Variants in SH3YL1 observed in about 807,000 individuals in gnomAD.
SH3YL1 encodes SH3 domain-containing YSC84-like protein 1.
A neutral mutation model predicts 45.8 loss-of-function variants in SH3YL1; 41 were observed. The observed-to-expected ratio is 0.89, with a 90% CI of 0.70 to 1.16. The LOEUF is 1.16. Ranked by LOEUF, SH3YL1 falls within the 50% of genes most tolerant of loss-of-function variation. The pLI is 0.00. For synonymous variants in SH3YL1, 152 were observed against 151.4 expected, an observed-to-expected ratio of 1.00 and a Z score of -0.03; for missense variants, 389 against 409.6, an observed-to-expected ratio of 0.95 and a Z score of 0.43.
intron 3 of SH3YL1, among the ~76,000 whole-genome samples, chr2:247,944 A>G (rs1214825901): frequency 6.6e-6 from 1 of 152,198 alleles, no homozygotes; most frequent in African/African-American, 2.4e-5. Flanking sequence ...TTATAGAACA[A>G]CTTAGCTGTA....
intron 3 of SH3YL1, among the ~76,000 whole-genome samples, 171 bp from the exon 4 acceptor site, chr2:247,773 T>C (rs1370900508): frequency 6.6e-6 from 1 of 152,246 alleles, no homozygotes; most frequent in Non-Finnish European, 1.5e-5. Context: ...TTTTAAAAAG[T>C]TAAAAATATT....
chr2:257,169 C>T (rs957896446), intron 1 of SH3YL1, among the ~76,000 whole-genome samples: 1 of 151,884 alleles, frequency 6.6e-6, no homozygotes, highest in African/African-American at 2.4e-5. Flanking sequence ...CAAATATTTT[C>T]TTCTATTCTG....
intron 4 of SH3YL1, among the ~76,000 whole-genome samples, chr2:236,620 G>A (rs773806974): frequency 1.3e-5 from 2 of 152,138 alleles, no homozygotes; most frequent in Non-Finnish European, 2.9e-5. Flanking sequence ...TAATAATAGT[G>A]GCACACATTC....
chr2:238,259 TTGTGTGTGTGTGTGTGTGTG>T (rs3842546), intron 4 of SH3YL1, among the ~76,000 whole-genome samples: 10 of 141,860 alleles, frequency 7.0e-5, no homozygotes, highest in Non-Finnish European at 1.2e-4. Flanking sequence ...TCCTCCCTCC[TTGTGTGTGTGTGTGTGTGTG>T]TGTGTGTGTG....
At chr2:225,622 T>C (rs1667758633) in intron 8 of SH3YL1, among the ~76,000 whole-genome samples, 1 of 152,186 alleles carries the variant, frequency 6.6e-6, no homozygotes. Flanking sequence ...TTTGGTGGGA[T>C]GGGAAAAGGA....
chr2:225,310 G>A (rs572453529), intron 8 of SH3YL1, among the ~76,000 whole-genome samples: 12 of 152,362 alleles, frequency 7.9e-5, no homozygotes, highest in East Asian at 1.9e-4. Flanking sequence ...CTGGATTCCC[G>A]TTCTGACGCT....
rs1668877195 is a variant in SH3YL1, at chr2:247,538, C to T, written c.291G>A (p.Glu97=). ...GTATGGACGTGCACAAGCTACTTAC[C>T]TCAATTCCTATTTCAAATCCTCCAC... is the stretch of plus-strand genomic sequence containing the variant. The part of the protein sequence containing the change: ...GLGGGFEIGI[E]VSDLVIILNY... Residue 97 remains glutamate, a splice_region_variant and synonymous_variant, in exon 4 of 10, where the codon GAG becomes GAA. Coordinates refer to ENST00000356150, the MANE Select transcript of SH3YL1 (RefSeq NM_015677.4). The T allele has an allele frequency of 6.4e-7, 1 of 1,551,136 alleles. No homozygotes were observed. The highest frequency in any genetic ancestry group is 1.4e-5 in the African/African-American group (1 of 73,012).
chr2:229,868 TTAACTC>T, intron 8 of SH3YL1, 92 bp downstream of exon 8: 4 of 958,636 alleles, frequency 4.2e-6, no homozygotes, highest in South Asian at 3.2e-5. Context: ...GTTCTTCTAT[TTAACTC>T]TAAAGTTTAA....
At position 231,198 on chromosome 2, in the gene SH3YL1, G is replaced by C. The variant is rs994000981; in HGVS notation, c.534-7C>G. On this transcript the variant is annotated splice_region_variant and splice_polypyrimidine_tract_variant and intron_variant, in intron 6 of 9. Coordinates refer to ENST00000356150, the MANE Select transcript of SH3YL1 (RefSeq NM_015677.4). Reference sequence around the variant, plus strand: ...GATATCTTGACAATAAAATCTAATGGGAAATATAAAATTAAAAACATTTTA... The same window carrying C: ...GATATCTTGACAATAAAATCTAATGCGAAATATAAAATTAAAAACATTTTA... The C allele has an allele frequency of 8.2e-6, 13 of 1,584,412 alleles. No homozygotes were observed. The African/African-American group carries it at 1.4e-4, about 17-fold the overall frequency.
chr2:263,193 A>T (rs1669662413), intron 1 of SH3YL1: 1 of 155,318 alleles, frequency 6.4e-6, no homozygotes, highest in Non-Finnish European at 1.4e-5. Flanking sequence ...TCCTGTAAGC[A>T]GAAGAGAAAC....
intron 1 of SH3YL1, chr2:260,039 T>A (rs1050342563): frequency 2.6e-5 from 4 of 152,150 alleles, no homozygotes; most frequent in Non-Finnish European, 5.9e-5. Flanking sequence ...AAAGTACAGA[T>A]ATGAAAATAT....
intron 5 of SH3YL1, 26 bp from the exon 6 acceptor site, chr2:233,255 C>A: frequency 6.5e-7 from 1 of 1,537,322 alleles, no homozygotes; most frequent in Admixed American, 2.1e-5. Flanking sequence ...TTTTGCATCA[C>A]AAAGCTGTGA....
intron 1 of SH3YL1, chr2:262,606 T>G (rs981941316): frequency 7.7e-7 from 1 of 1,304,086 alleles, no homozygotes; most frequent in African/African-American, 1.5e-5. Flanking sequence ...AGCAGAGAAT[T>G]TTGTCTTATC....
chr2:229,199 G>C (rs1040269064), intron 8 of SH3YL1, among the ~76,000 whole-genome samples: 1 of 152,094 alleles, frequency 6.6e-6, no homozygotes, highest in South Asian at 2.1e-4. Flanking sequence ...GAAAGATAAA[G>C]ACCAAAACCT....
Position 243,365 on chromosome 2 carries a change from G to A in SH3YL1, c.291+4173C>T, listed in dbSNP as rs541740001. 4.9e-5 allele frequency: 42 copies of A among 859,008 alleles called. No individual in the cohort carries two copies. In the South Asian group the frequency reaches 9.6e-4, roughly 20 times the overall value. The allele number at this position is 859,008 out of a possible 1,614,324, so 53.2% of individuals were successfully genotyped here. A position where few individuals can be genotyped will look rare whatever the true frequency, so the allele number is the denominator to read the frequency against. ...CCAATGGAATGAAATTTGAAATCAA[G>A]GACAAGATAAATTTGGGAAATTTAT... On this transcript the variant is annotated intron_variant, in intron 4 of 9. Transcript: ENST00000356150.
At position 245,516 on chromosome 2, in the gene SH3YL1, A is replaced by C. The variant is rs1183556803; in HGVS notation, c.291+2022T>G. Among the ~76,000 whole-genome samples, 3 of 152,218 alleles carry C rather than the reference A, an allele frequency of 2.0e-5. No individual in the cohort carries two copies. The East Asian group carries it at 5.8e-4, about 29-fold the overall frequency. Reference sequence around the variant, plus strand: ...AAATCCATATTTAATCATCAATATAAGCCCAGAGACTCATATAAGGCTATC... The same window carrying C: ...AAATCCATATTTAATCATCAATATACGCCCAGAGACTCATATAAGGCTATC... On this transcript the variant is annotated intron_variant, in intron 4 of 9. Transcript: ENST00000356150.
chr2:243,625 A>G, intron 4 of SH3YL1: 1 of 1,499,624 alleles, frequency 6.7e-7, no homozygotes, highest in Admixed American at 2.6e-5. Context: ...TGGACGAAGA[A>G]GAGTTTAACT....
chr2:261,772 G>C (rs992034198), intron 1 of SH3YL1, among the ~76,000 whole-genome samples: 2 of 152,136 alleles, frequency 1.3e-5, no homozygotes, highest in African/African-American at 4.8e-5. Context: ...AAAGCAAGAA[G>C]ACCCAAGGGC....
intron 8 of SH3YL1, 37 bp from the exon 9 acceptor site, chr2:224,957 G>A (rs756053565): frequency 1.3e-6 from 2 of 1,519,838 alleles, no homozygotes; most frequent in Non-Finnish European, 9.1e-7. Flanking sequence ...TTTGAAAACT[G>A]ATTAGTATAT....
Sources: gnomAD v4.1 joint callset for allele counts (sites outside exome capture counted in the v4.1 genomes callset) on GRCh38, gnomAD v4.1.1 for gene constraint, MANE v1.5 for transcripts, NCBI Gene and HGNC (gene_info 2026-07-23, HGNC 2026-07-21) for gene names.